The following PDGFC variants were observed in gnomAD, a reference collection of about 807,000 sequenced individuals.
PDGFC encodes platelet-derived growth factor C.
In PDGFC, 12 loss-of-function variants were observed where a neutral mutation model predicts 35.5. The ratio of observed to expected loss-of-function variants is 0.34; its 90% CI spans 0.22 to 0.55. PDGFC has a LOEUF of 0.55. Among genes scored for constraint, PDGFC ranks in the 20% least tolerant of loss-of-function variants. The probability of loss-of-function intolerance (pLI) is 0.91; values close to 1 mark genes in which losing one functional copy is unlikely to be tolerated. For missense variants in PDGFC, 322 were observed against 412.4 expected, an observed-to-expected ratio of 0.78 and a Z score of 1.90; for synonymous variants, 159 against 148.8, an observed-to-expected ratio of 1.07 and a Z score of -0.50.
chr4:156,934,988 T>C (rs1277743205), intron 1 of PDGFC, among the ~76,000 whole-genome samples: 1 of 152,116 alleles, frequency 6.6e-6, no homozygotes, highest in African/African-American at 2.4e-5. Flanking sequence ...TTAACGTTTT[T>C]TTGTTTTGTT....
chr4:156,786,434 T>A (rs903009226), intron 3 of PDGFC, among the ~76,000 whole-genome samples: 2 of 152,188 alleles, frequency 1.3e-5, no homozygotes, highest in Non-Finnish European at 2.9e-5. Flanking sequence ...CTTAAGGAGT[T>A]GACGCTTGAA....
intron 2 of PDGFC, among the ~76,000 whole-genome samples, chr4:156,825,924 A>T (rs1173304646): frequency 6.6e-6 from 1 of 150,910 alleles, no homozygotes; most frequent in Admixed American, 6.6e-5. Flanking sequence ...ATTAGAGTGC[A>T]GTAGCACAAT....
chr4:156,800,459 T>C (rs560969424), intron 3 of PDGFC, among the ~76,000 whole-genome samples: 105 of 152,308 alleles, frequency 6.9e-4, no homozygotes, highest in Non-Finnish European at 1.1e-3. Context: ...AATTATATCA[T>C]CTGAATTAGA....
chr4:156,774,678 AG>A (rs1431033112), intron 3 of PDGFC, among the ~76,000 whole-genome samples: 4 of 149,478 alleles, frequency 2.7e-5, no homozygotes, highest in Non-Finnish European at 4.4e-5. Context: ...TTTTAACAAA[AG>A]TTTATTGAGT....
chr4:156,959,432 A>G (rs1732286867), intron 1 of PDGFC, among the ~76,000 whole-genome samples: 1 of 151,962 alleles, frequency 6.6e-6, no homozygotes, highest in Non-Finnish European at 1.5e-5. Context: ...GCCTTTCCAT[A>G]AAGAAGTTAT....
chr4:156,845,419 G>A (rs1250406280), intron 2 of PDGFC, among the ~76,000 whole-genome samples: 2 of 151,708 alleles, frequency 1.3e-5, no homozygotes, highest in Non-Finnish European at 3.0e-5. Context: ...CTAGCCATGT[G>A]GAGAAAGAGT....
chr4:156,833,186 C>T (rs1728985578), intron 2 of PDGFC, among the ~76,000 whole-genome samples: 1 of 152,330 alleles, frequency 6.6e-6, no homozygotes, highest in South Asian at 2.1e-4. Flanking sequence ...TTCTTCACAA[C>T]ACAGCATTTA....
intron 1 of PDGFC, among the ~76,000 whole-genome samples, chr4:156,890,894 T>C (rs1730487595): frequency 6.6e-6 from 1 of 152,196 alleles, no homozygotes; most frequent in Non-Finnish European, 1.5e-5. Context: ...ACCATGTATG[T>C]ATCCATTTGG....
intron 1 of PDGFC, among the ~76,000 whole-genome samples, chr4:156,949,828 A>T (rs542737470): frequency 1.3e-5 from 2 of 152,070 alleles, no homozygotes; most frequent in South Asian, 4.1e-4. Context: ...CCTTGAGGAC[A>T]TACCTGAGAT....
At chr4:156,778,598 A>C (rs527262319) in intron 3 of PDGFC, among the ~76,000 whole-genome samples, 29 of 152,266 alleles carry the variant, frequency 1.9e-4, no homozygotes, top group African/African-American at 6.7e-4. Flanking sequence ...TTTTAGAAAA[A>C]AGAAAAGCTG....
chr4:156,839,160 A>G (rs960010912), intron 2 of PDGFC, among the ~76,000 whole-genome samples: 1 of 152,202 alleles, frequency 6.6e-6, no homozygotes, highest in African/African-American at 2.4e-5. Flanking sequence ...AAGTCTAGAC[A>G]CATTCCAAAG....
chr4:156,819,946 A>G (rs770474855), intron 2 of PDGFC, among the ~76,000 whole-genome samples: 9 of 152,212 alleles, frequency 5.9e-5, no homozygotes, highest in South Asian at 2.1e-4. Flanking sequence ...ACTGGTTCCA[A>G]TCTTCACGGA....
At chr4:156,873,984 A>T (rs551012288) in intron 1 of PDGFC, 20 of 152,332 alleles carry the variant, frequency 1.3e-4, no homozygotes, top group Non-Finnish European at 2.6e-4. Context: ...CAAAACACTG[A>T]AAGCCCAACC....
At chr4:156,825,985 C>T (rs1231505384) in intron 2 of PDGFC, among the ~76,000 whole-genome samples, 1 of 151,698 alleles carries the variant, frequency 6.6e-6, no homozygotes, top group Non-Finnish European at 1.5e-5. Flanking sequence ...CCTCCTGCCT[C>T]AGCCTCCCAA....
intron 3 of PDGFC, among the ~76,000 whole-genome samples, chr4:156,778,692 C>A (rs1730894028): frequency 6.6e-6 from 1 of 152,280 alleles, no homozygotes; most frequent in African/African-American, 2.4e-5. Flanking sequence ...CATAGCTTGT[C>A]ATTTTATTAG....
At chr4:156,802,503 C>T (rs1298279469) in intron 3 of PDGFC, among the ~76,000 whole-genome samples, 1 of 151,674 alleles carries the variant, frequency 6.6e-6, no homozygotes, top group African/African-American at 2.4e-5. Context: ...CTGTGGAAAA[C>T]CCAAGCAGAG....
At chr4:156,904,285 C>A (rs1304456082) in intron 1 of PDGFC, among the ~76,000 whole-genome samples, 1 of 151,990 alleles carries the variant, frequency 6.6e-6, no homozygotes, top group Non-Finnish European at 1.5e-5. Context: ...GGAAAGAGAT[C>A]ATAATTAAAA....
intron 2 of PDGFC, among the ~76,000 whole-genome samples, chr4:156,827,732 T>C (rs1728814292): frequency 6.6e-6 from 1 of 152,142 alleles, no homozygotes; most frequent in Non-Finnish European, 1.5e-5. Flanking sequence ...CGTACATACA[T>C]ACACACACAT....
chr4:156,907,934 C>G (rs192602865), intron 1 of PDGFC, among the ~76,000 whole-genome samples: 1 of 152,118 alleles, frequency 6.6e-6, no homozygotes, highest in African/African-American at 2.4e-5. Flanking sequence ...TTTGGGAGGC[C>G]AAGGCAGGAG....
Sources: gnomAD v4.1 joint callset for allele counts (sites outside exome capture counted in the v4.1 genomes callset) on GRCh38, gnomAD v4.1.1 for gene constraint, MANE v1.5 for transcripts, NCBI Gene and HGNC (gene_info 2026-07-23, HGNC 2026-07-21) for gene names.